Variants in DAG1 observed in about 807,000 individuals in gnomAD.
DAG1 encodes dystroglycan 1 (dystrophin-associated glycoprotein 1).
In DAG1, 8 loss-of-function variants were observed where a neutral mutation model predicts 46.1. That is an observed-to-expected ratio of 0.17 (90% CI 0.10 to 0.31). DAG1 has a LOEUF of 0.31. DAG1 is among the 10% of genes least tolerant of loss of function. The probability of loss-of-function intolerance (pLI) is 1.00; values close to 1 mark genes in which losing one functional copy is unlikely to be tolerated. For synonymous variants in DAG1, 495 were observed against 481.8 expected (o/e 1.03, Z -0.36); for missense variants, 1,003 against 1,189.9 (o/e 0.84, Z 2.31).
chr3:49,531,008 C>T lies in DAG1; in HGVS notation c.497C>T (p.Ser166Leu), dbSNP rs556413209. ...VYPEDHSELQ[S>L]VRTASPDPGE... ...CCTGAAGACCACAGTGAGCTGCAGT[C>T]GGTGAGGACAGCCTCCCCAGACCCT... Residue 166 changes from serine to leucine, a missense_variant, in exon 3 of 3, where the codon TCG (serine) becomes TTG (leucine). Transcript: ENST00000308775. The surrounding 1 kb of genome is among the most constrained non-coding windows in gnomAD (Gnocchi z 7.0). 9 of 1,614,176 alleles carry T rather than the reference C, an allele frequency of 5.6e-6. No individual in the cohort carries two copies. The highest frequency in any genetic ancestry group is 3.3e-5 in the South Asian group (3 of 91,074).
At chr3:49,473,761 T>G (rs1200753447) in intron 1 of DAG1, among the ~76,000 whole-genome samples, 2 of 151,566 alleles carry the variant, frequency 1.3e-5, no homozygotes, top group Non-Finnish European at 2.9e-5. Flanking sequence ...TTTTTGCATT[T>G]TTAGTAGAGA....
intron 1 of DAG1, among the ~76,000 whole-genome samples, chr3:49,473,338 C>T (rs1205897074): frequency 6.6e-6 from 1 of 151,770 alleles, no homozygotes; most frequent in African/African-American, 2.4e-5. Flanking sequence ...AGGAGAATGG[C>T]GTGAACCCGG....
chr3:49,509,935 G>A lies in DAG1; in HGVS notation c.-116-484G>A, dbSNP rs146815227. ...GTAGAGATGGGATTTTACCATGTTG[G>A]CCAGGCTGGTTTCAAACTCCTTACC... On this transcript the variant is annotated intron_variant, in intron 1 of 2. Coordinates refer to ENST00000308775, the MANE Select transcript of DAG1 (RefSeq NM_004393.6). Among the ~76,000 whole-genome samples the A allele has an allele frequency of 1.3e-3, 203 of 152,202 alleles. 2 individuals are homozygous for A. Among genetic ancestry groups the A allele is most frequent in the African/African-American group, 4.7e-3 (195 of 41,540 alleles).
At chr3:49,510,934 A>AC in intron 2 of DAG1, 115 bp downstream of exon 2, 1 of 1,539,290 alleles carries the variant, frequency 6.5e-7, no homozygotes, top group East Asian at 2.4e-5. Context: ...TTCTTCCAGT[A>AC]CCCCCTTAGA....
chr3:49,478,021 CTT>C (rs1011652738), intron 1 of DAG1, among the ~76,000 whole-genome samples: 1 of 151,470 alleles, frequency 6.6e-6, no homozygotes, highest in Non-Finnish European at 1.5e-5. Context: ...AATCCCAGCA[CTT>C]TGGGAGGCCG....
chr3:49,472,530 G>A (rs1314433316), intron 1 of DAG1, among the ~76,000 whole-genome samples: 3 of 152,076 alleles, frequency 2.0e-5, no homozygotes, highest in African/African-American at 7.2e-5. Context: ...CTTTATCGCC[G>A]GGCATGGTGG....
rs2051360780 is a variant in DAG1, at chr3:49,531,920, G to A, written c.1409G>A (p.Arg470Lys). 6.2e-7 allele frequency: 1 copy of A among 1,614,178 alleles called. No homozygotes were observed. Among genetic ancestry groups the A allele is most frequent in the East Asian group, 2.2e-5 (1 of 44,880 alleles). Residue 470 changes from arginine (R) to lysine (K), a missense_variant, in exon 3 of 3, where the codon AGA (arginine) becomes AAA (lysine). Arg to Lys is a conservative substitution (Grantham distance 26, BLOSUM62 2). Around this residue, in one of 3 missense-constraint regions of DAG1, gnomAD observed 755 missense variants for 854.1 expected, o/e 0.88. Coordinates refer to ENST00000308775, the MANE Select transcript of DAG1 (RefSeq NM_004393.6). The surrounding 1 kb of genome is among the most constrained non-coding windows in gnomAD (Gnocchi z 7.0). ...GTCACCACCAAAGTTTCCATCACCA[G>A]ATTGGAAACTGCCTCACCGCCTACT... ...PRVTTKVSITRLETASPPTRI... is the reference protein window; with the variant it reads ...PRVTTKVSITKLETASPPTRI...
Position 49,528,106 on chromosome 3 carries a change from CCTTA to C in DAG1, c.286-2686_286-2683del, listed in dbSNP as rs144502013. ...CCACTCCTGTAAAACATCTCATGGG[CCTTA>C]CTTATTTGCTTCATGGTGGTTTTTT... is the stretch of plus-strand genomic sequence containing the variant. On this transcript the variant is annotated intron_variant, in intron 2 of 2. Coordinates refer to ENST00000308775, the MANE Select transcript of DAG1 (RefSeq NM_004393.6). 0.012 allele frequency among the ~76,000 whole-genome samples: 1,878 copies of C among 151,992 alleles called. 123 individuals carry two copies. The East Asian group carries it at 0.19, about 15-fold the overall frequency.
At chr3:49,502,600 A>C (rs565060955) in intron 1 of DAG1, among the ~76,000 whole-genome samples, 1 of 152,042 alleles carries the variant, frequency 6.6e-6, no homozygotes, top group Admixed American at 6.6e-5. Flanking sequence ...GAATCAATCA[A>C]ACTATATCGT....
chr3:49,521,420 C>T (rs1342640318), intron 2 of DAG1, among the ~76,000 whole-genome samples: 1 of 152,164 alleles, frequency 6.6e-6, no homozygotes, highest in African/African-American at 2.4e-5. Flanking sequence ...CCGCCTCAGC[C>T]TCCCAAAGTG....
intron 2 of DAG1, among the ~76,000 whole-genome samples, chr3:49,511,976 C>A (rs1396246590): frequency 6.6e-6 from 1 of 152,154 alleles, no homozygotes; most frequent in Non-Finnish European, 1.5e-5. Flanking sequence ...CACTTATAGT[C>A]CCATTCTGAC....
In DAG1 at chr3:49,531,711, G is replaced by T; in HGVS notation, c.1200G>T (p.Gln400His). 1 of 1,614,064 alleles carries T rather than the reference G, an allele frequency of 6.2e-7. No homozygotes were observed. Among genetic ancestry groups the T allele is most frequent in the Middle Eastern group, 1.6e-4 (1 of 6,062 alleles). ...AAGCTGGCACCACAGTTCCTGGCCA[G>T]ATTCGCCCAACGATGACCATTCCTG... Reference protein sequence around the residue: ...VSEAGTTVPGQIRPTMTIPGY... With the variant: ...VSEAGTTVPGHIRPTMTIPGY... Residue 400 changes from glutamine to histidine, a missense_variant, in exon 3 of 3, where the codon CAG (glutamine) becomes CAT (histidine). By Grantham distance (24) the Gln-to-His change is conservative (BLOSUM62 0). This residue lies in a region of DAG1 where 755 missense variants were observed against 854.1 expected (regional missense o/e 0.88). Coordinates refer to ENST00000308775, the MANE Select transcript of DAG1 (RefSeq NM_004393.6). This position sits in a 1 kb window ranked among gnomAD's most constrained non-coding sequence, Gnocchi z 7.0.
At chr3:49,475,962 A>G (rs1451441608) in intron 1 of DAG1, among the ~76,000 whole-genome samples, 1 of 151,090 alleles carries the variant, frequency 6.6e-6, no homozygotes, top group Non-Finnish European at 1.5e-5. Flanking sequence ...TGATCTGCCC[A>G]CCTTGGCCTC....
chr3:49,475,172 T>C (rs1194423384), intron 1 of DAG1, among the ~76,000 whole-genome samples: 2 of 150,240 alleles, frequency 1.3e-5, no homozygotes, highest in Non-Finnish European at 3.0e-5. Flanking sequence ...TGGTGCGATA[T>C]TGGTTCACTG....
rs1447621250 is a variant in DAG1 at position 49,532,315 on chromosome 3, G to T, written c.1804G>T (p.Asp602Tyr). The change falls in exon 3 of 3, where the codon GAT (aspartate) becomes TAT (tyrosine). Residue 602 changes from aspartate to tyrosine, a missense_variant. By Grantham distance (160) the Asp-to-Tyr change is radical. Coordinates refer to ENST00000308775, the MANE Select transcript of DAG1 (RefSeq NM_004393.6). The surrounding 1 kb of genome is among the most constrained non-coding windows in gnomAD (Gnocchi z 5.4). ...CCACGTCCACAGGCGCCCCCAAGGG[G>T]ATAGGGCTCCTGCAAGGTTCAAGGC... Reference protein sequence around the residue: ...EIHVHRRPQGDRAPARFKAKF... With the variant: ...EIHVHRRPQGYRAPARFKAKF... 1.2e-6 allele frequency: 2 copies of T among 1,614,068 alleles called. No homozygotes were observed. Among genetic ancestry groups the T allele is most frequent in the Non-Finnish European group, 1.7e-6 (2 of 1,180,052 alleles).
At chr3:49,513,598 T>C (rs1372995431) in intron 2 of DAG1, among the ~76,000 whole-genome samples, 2 of 152,184 alleles carry the variant, frequency 1.3e-5, no homozygotes, top group South Asian at 2.1e-4. Flanking sequence ...CTTCTTGTGT[T>C]CGCCTCCTTT....
At chr3:49,506,873 A>G (rs1265655337) in intron 1 of DAG1, among the ~76,000 whole-genome samples, 1 of 151,994 alleles carries the variant, frequency 6.6e-6, no homozygotes, top group Admixed American at 6.6e-5. Flanking sequence ...GCTACTCAGG[A>G]GGCTGAGGTG....
rs2051352713 is a variant in DAG1, at chr3:49,531,725, T to A, written c.1214T>A (p.Met405Lys). 1 of 1,613,674 alleles carries A rather than the reference T, an allele frequency of 6.2e-7. No homozygotes were observed. The highest frequency in any genetic ancestry group is 8.5e-7 in the Non-Finnish European group (1 of 1,179,944). The change falls in exon 3 of 3, where the codon ATG (methionine) becomes AAG (lysine). Residue 405 changes from methionine (M) to lysine (K), a missense_variant. Met to Lys is a moderately conservative substitution (Grantham distance 95). Transcript: ENST00000308775. This position sits in a 1 kb window ranked among gnomAD's most constrained non-coding sequence, Gnocchi z 7.0. ...TTVPGQIRPT[M>K]TIPGYVEPTA... is the part of the protein sequence containing the mutation. The stretch of plus-strand genomic sequence containing the variant: ...GTTCCTGGCCAGATTCGCCCAACGA[T>A]GACCATTCCTGGCTATGTGGAGCCT...
chr3:49,487,279 C>G (rs1248442926), intron 1 of DAG1: 1 of 152,256 alleles, frequency 6.6e-6, no homozygotes, highest in Non-Finnish European at 1.5e-5. Flanking sequence ...TCCCAGATGG[C>G]TGCACTGGCC....
Sources: gnomAD v4.1 joint callset for allele counts (sites outside exome capture counted in the v4.1 genomes callset) on GRCh38, gnomAD v4.1.1 for gene constraint, gnomAD v4.1.1 regional missense constraint, Gnocchi (gnomAD v3.1) non-coding constraint, MANE v1.5 for transcripts, NCBI Gene and HGNC (gene_info 2026-07-23, HGNC 2026-07-21) for gene names.